AP2B1: variants seen among roughly 807,000 people sequenced by gnomAD.
The protein encoded by AP2B1 is AP-2 complex subunit beta.
In AP2B1, 23 loss-of-function variants were observed where a neutral mutation model predicts 102.0. The ratio of observed to expected loss-of-function variants is 0.23; its 90% CI spans 0.16 to 0.32. The LOEUF (loss-of-function observed/expected upper bound fraction) is 0.32. Ranked by LOEUF, AP2B1 falls within the 10% of genes least tolerant of loss-of-function variation. AP2B1 has a pLI of 1.00. For synonymous variants in AP2B1, 381 were observed against 421.2 expected (o/e 0.90, Z 1.17); for missense variants, 541 against 1,157.4 (o/e 0.47, Z 7.73).
At chr17:35,603,454 TAGG>T (rs1418340329) in intron 3 of AP2B1, among the ~76,000 whole-genome samples, 7 of 152,222 alleles carry the variant, frequency 4.6e-5, no homozygotes, top group Non-Finnish European at 8.8e-5. Context: ...CTGTGGCTTA[TAGG>T]AGAATGGTAA....
intron 20 of AP2B1, among the ~76,000 whole-genome samples, chr17:35,712,002 T>C (rs1052176973): frequency 2.8e-4 from 43 of 152,206 alleles, no homozygotes; most frequent in African/African-American, 9.4e-4. Flanking sequence ...ATATAGAAAC[T>C]TCAGGCAGAT....
chr17:35,679,613 C>T (rs2075774789), intron 17 of AP2B1, among the ~76,000 whole-genome samples: 1 of 152,008 alleles, frequency 6.6e-6, no homozygotes, highest in Non-Finnish European at 1.5e-5. Context: ...GGTGAAATTA[C>T]AGCTTTATAG....
chr17:35,638,976 A>T (rs1204355156), intron 10 of AP2B1, among the ~76,000 whole-genome samples: 1 of 152,096 alleles, frequency 6.6e-6, no homozygotes, highest in Non-Finnish European at 1.5e-5. Context: ...TTTCTAATGT[A>T]CTTATATGAA....
At chr17:35,684,392 A>G (rs897415625) in intron 18 of AP2B1, among the ~76,000 whole-genome samples, 15 of 152,226 alleles carry the variant, frequency 9.9e-5, no homozygotes, top group Non-Finnish European at 1.8e-4. Context: ...ATCTAGAAAT[A>G]CCTGTGTGAG....
At chr17:35,649,986 G>C (rs1357441761) in intron 12 of AP2B1, among the ~76,000 whole-genome samples, 2 of 152,066 alleles carry the variant, frequency 1.3e-5, no homozygotes, top group South Asian at 2.1e-4. Flanking sequence ...GTTTTACTCT[G>C]TTGCCCAGGC....
intron 17 of AP2B1, among the ~76,000 whole-genome samples, chr17:35,680,975 G>A (rs1037053415): frequency 1.3e-5 from 2 of 152,112 alleles, no homozygotes; most frequent in Non-Finnish European, 2.9e-5. Context: ...GACTACAATT[G>A]TGAGCCACTG....
rs1208973388 is a variant in AP2B1, at chr17:35,720,573, A to ATTTTTTTTTT, written c.2782-3034_2782-3025dup. On this transcript the variant is annotated intron_variant, in intron 21 of 21. Coordinates refer to ENST00000610402, the MANE Select transcript of AP2B1 (RefSeq NM_001030006.2). The stretch of plus-strand genomic sequence containing the variant: ...TATATATATATATATATATATATAT[A>ATTTTTTTTTT]TTTTTTTTTTTTTTTTTTTTTTTTT... Among the ~76,000 whole-genome samples the ATTTTTTTTTT allele has an allele frequency of 1.4e-4, 4 of 28,068 alleles. 1 individual carries two copies. The highest frequency in any genetic ancestry group is 2.5e-4 in the Non-Finnish European group (4 of 16,122). 18.4% of individuals were successfully genotyped at this position (28,068 alleles called of 152,430 possible). A position where few individuals can be genotyped will look rare whatever the true frequency, so the allele number is the denominator to read the frequency against.
Position 35,682,782 on chromosome 17 carries a change from C to G in AP2B1, c.2412C>G (p.Thr804=). Residue 804 remains threonine, a synonymous_variant, in exon 18 of 22, where the codon ACC becomes ACG. Coordinates refer to ENST00000610402, the MANE Select transcript of AP2B1 (RefSeq NM_001030006.2). ...TTGATGTCTCCCTGCCTCTCAATACCTTGGGCCCAGTCATGAAGATGGAAC... is the reference window on the plus strand; with the variant it reads ...TTGATGTCTCCCTGCCTCTCAATACGTTGGGCCCAGTCATGAAGATGGAAC... ...QSIDVSLPLN[T]LGPVMKMEPL... is the part of the protein sequence containing the mutation. The G allele has an allele frequency of 1.2e-6, 2 of 1,612,964 alleles. No homozygotes were observed. Among genetic ancestry groups the G allele is most frequent in the South Asian group, 2.2e-5 (2 of 91,062 alleles).
At chr17:35,719,433 C>T (rs376201334) in intron 21 of AP2B1, among the ~76,000 whole-genome samples, 2 of 151,864 alleles carry the variant, frequency 1.3e-5, no homozygotes, top group African/African-American at 4.8e-5. Flanking sequence ...GGCAGCCTTT[C>T]TCCATTACTA....
In AP2B1 at chr17:35,605,746, A is replaced by G. The variant is rs2073654168; in HGVS notation, c.185A>G (p.Asn62Ser). ...PDVVNCMQTDNLELKKLVYLY... is the reference protein window; with the variant it reads ...PDVVNCMQTDSLELKKLVYLY... ...GTAGTGAACTGTATGCAGACTGACAATCTGGAACTAAAGAAGCTTGTGTAT... is the reference window on the plus strand; with the variant it reads ...GTAGTGAACTGTATGCAGACTGACAGTCTGGAACTAAAGAAGCTTGTGTAT... Residue 62 changes from asparagine to serine, a missense_variant, in exon 4 of 22, where the codon AAT becomes AGT. Around this residue, in one of 10 missense-constraint regions of AP2B1, gnomAD observed 18 missense variants for 23.8 expected, o/e 0.76. Transcript: ENST00000610402. The G allele has an allele frequency of 6.2e-6, 10 of 1,613,972 alleles. No individual in the cohort carries two copies. Among genetic ancestry groups the G allele is most frequent in the Admixed American group, 3.3e-5 (2 of 60,000 alleles).
At chr17:35,683,831 C>T (rs1460441234) in intron 18 of AP2B1, among the ~76,000 whole-genome samples, 1 of 152,134 alleles carries the variant, frequency 6.6e-6, no homozygotes, top group Non-Finnish European at 1.5e-5. Flanking sequence ...CTGCATAAAG[C>T]AGAGACCCTG....
chr17:35,650,452 G>A, intron 12 of AP2B1, 78 bp from the exon 13 acceptor site: 3 of 1,518,472 alleles, frequency 2.0e-6, no homozygotes, highest in Non-Finnish European at 2.7e-6. Flanking sequence ...AACATTGGTT[G>A]ATGATAAATC....
intron 2 of AP2B1, among the ~76,000 whole-genome samples, chr17:35,597,981 T>C (rs1384701471): frequency 6.6e-6 from 1 of 152,244 alleles, no homozygotes; most frequent in Non-Finnish European, 1.5e-5. Flanking sequence ...CCCACTCTTG[T>C]GGTTCTTGAA....
intron 18 of AP2B1, among the ~76,000 whole-genome samples, chr17:35,704,541 C>T (rs770435403): frequency 2.0e-5 from 3 of 152,146 alleles, no homozygotes; most frequent in Non-Finnish European, 4.4e-5. Context: ...ACAGACCCTC[C>T]ACTCAAGGAG....
intron 16 of AP2B1, among the ~76,000 whole-genome samples, chr17:35,672,121 T>C (rs1385140711): frequency 6.6e-6 from 1 of 152,234 alleles, no homozygotes; most frequent in Non-Finnish European, 1.5e-5. Context: ...ATTTGACATA[T>C]TAATTATTTG....
chr17:35,657,755 A>G lies in AP2B1; in HGVS notation c.1953A>G (p.Gly651=). The stretch of plus-strand genomic sequence containing the variant: ...CACAGGTGTCCTCCATGCAGATGGG[A>G]GCAGTGGATCTCCTAGGAGGAGGAC... ...NVPQVSSMQM[G]AVDLLGGGLD... Residue 651 remains glycine, a synonymous_variant, in exon 14 of 22, where the codon GGA becomes GGG. Coordinates refer to ENST00000610402, the MANE Select transcript of AP2B1 (RefSeq NM_001030006.2). The G allele has an allele frequency of 6.2e-7, 1 of 1,614,006 alleles. No individual in the cohort carries two copies. The highest frequency in any genetic ancestry group is 8.5e-7 in the Non-Finnish European group (1 of 1,179,978).
At chr17:35,626,929 C>T in intron 7 of AP2B1, 87 bp downstream of exon 7, 1 of 1,267,940 alleles carries the variant, frequency 7.9e-7, no homozygotes, top group Non-Finnish European at 1.1e-6. Flanking sequence ...TAGTGTTAAT[C>T]TCTTTTTAAT....
intron 12 of AP2B1, among the ~76,000 whole-genome samples, chr17:35,643,732 C>G (rs2074849708): frequency 6.6e-6 from 1 of 152,176 alleles, no homozygotes; most frequent in African/African-American, 2.4e-5. Flanking sequence ...TACTAAAATA[C>G]TATCAGTCTG....
intron 3 of AP2B1, among the ~76,000 whole-genome samples, chr17:35,598,543 G>C (rs1381244547): frequency 1.3e-5 from 2 of 152,212 alleles, no homozygotes; most frequent in Non-Finnish European, 2.9e-5. Context: ...GTGTGTGTTT[G>C]TGTTAGAACA....
Sources: allele counts gnomAD v4.1 joint callset (sites outside exome capture counted in the v4.1 genomes callset), GRCh38; gene constraint gnomAD v4.1.1; regional missense constraint gnomAD v4.1.1; transcripts MANE v1.5; gene names NCBI Gene and HGNC (gene_info 2026-07-23, HGNC 2026-07-21).